ITFG1: variants seen among roughly 807,000 people sequenced by gnomAD.
ITFG1 encodes integrin alpha FG-GAP repeat containing 1.
Under a neutral mutation model 81.8 loss-of-function variants are expected in ITFG1, and 34 were observed. The ratio of observed to expected loss-of-function variants is 0.42; its 90% CI spans 0.32 to 0.55. The LOEUF is 0.55. Among genes scored for constraint, ITFG1 ranks in the 20% least tolerant of loss-of-function variants. The probability of loss-of-function intolerance (pLI) is 0.17; values close to 1 mark genes in which losing one functional copy is unlikely to be tolerated. For missense variants in ITFG1, 672 were observed against 755.4 expected, an observed-to-expected ratio of 0.89 and a Z score of 1.29; for synonymous variants, 285 against 270.6, an observed-to-expected ratio of 1.05 and a Z score of -0.52.
chr16:47,450,607 A>C (rs952849358), intron 5 of ITFG1: 2 of 216,294 alleles, frequency 9.2e-6, no homozygotes, highest in Admixed American at 1.2e-4. Context: ...GAGAAAAGTC[A>C]CTAGAGTTCC....
intron 5 of ITFG1, among the ~76,000 whole-genome samples, chr16:47,430,202 C>A (rs998344191): frequency 2.6e-5 from 4 of 151,452 alleles, no homozygotes; most frequent in Admixed American, 2.0e-4. Flanking sequence ...GGATTATAGG[C>A]ATGTACCACC....
At chr16:47,219,937 CT>C (rs1965670792) in intron 13 of ITFG1, among the ~76,000 whole-genome samples, 1 of 152,150 alleles carries the variant, frequency 6.6e-6, no homozygotes, top group Non-Finnish European at 1.5e-5. Flanking sequence ...GCAAAATAAA[CT>C]TAAGAAACAT....
intron 5 of ITFG1, among the ~76,000 whole-genome samples, chr16:47,436,295 A>G (rs1325428543): frequency 6.6e-6 from 1 of 152,178 alleles, no homozygotes; most frequent in Non-Finnish European, 1.5e-5. Flanking sequence ...TAATAATAAA[A>G]TTAAAAACAA....
intron 6 of ITFG1, among the ~76,000 whole-genome samples, chr16:47,383,533 C>G (rs767394871): frequency 3.3e-5 from 5 of 152,210 alleles, no homozygotes; most frequent in Non-Finnish European, 7.3e-5. Flanking sequence ...GCTGCCTACA[C>G]AAGCGCTACT....
At chr16:47,361,514 A>T (rs916618241) in intron 8 of ITFG1, among the ~76,000 whole-genome samples, 1 of 152,136 alleles carries the variant, frequency 6.6e-6, no homozygotes, top group Non-Finnish European at 1.5e-5. Flanking sequence ...GTTTAAAAGG[A>T]AGATATAGTA....
At chr16:47,447,281 T>C (rs975904120) in intron 5 of ITFG1, among the ~76,000 whole-genome samples, 2 of 152,220 alleles carry the variant, frequency 1.3e-5, no homozygotes, top group African/African-American at 4.8e-5. Flanking sequence ...GAAATGTTAC[T>C]ATCAATTTTT....
intron 7 of ITFG1, among the ~76,000 whole-genome samples, chr16:47,372,969 T>C (rs1468221744): frequency 6.6e-6 from 1 of 152,246 alleles, no homozygotes; most frequent in Non-Finnish European, 1.5e-5. Flanking sequence ...TGATATGCAG[T>C]GGCCAATTTA....
intron 8 of ITFG1, among the ~76,000 whole-genome samples, chr16:47,350,095 G>A (rs948667624): frequency 1.3e-5 from 2 of 152,130 alleles, no homozygotes; most frequent in Non-Finnish European, 2.9e-5. Context: ...AGCACTAAAT[G>A]CCCACAAGAG....
chr16:47,382,088 A>C (rs576515042), intron 6 of ITFG1, among the ~76,000 whole-genome samples: 2 of 152,366 alleles, frequency 1.3e-5, no homozygotes, highest in East Asian at 3.9e-4. Context: ...TATGATTTTT[A>C]ATATGAAAAA....
At chr16:47,292,082 C>T (rs993606104) in intron 10 of ITFG1, among the ~76,000 whole-genome samples, 6 of 151,450 alleles carry the variant, frequency 4.0e-5, no homozygotes, top group African/African-American at 9.7e-5. Context: ...GGTACAATCT[C>T]GGCTCACTGC....
chr16:47,321,401 CATT>C (rs1402497557), intron 8 of ITFG1, among the ~76,000 whole-genome samples: 21 of 152,092 alleles, frequency 1.4e-4, no homozygotes, highest in Admixed American at 1.4e-3. Flanking sequence ...TTTTGTGATT[CATT>C]ATTAATATAA....
At chr16:47,324,537 C>T (rs1967500835) in intron 8 of ITFG1, among the ~76,000 whole-genome samples, 1 of 152,154 alleles carries the variant, frequency 6.6e-6, no homozygotes, top group South Asian at 2.1e-4. Flanking sequence ...AAGGCACGGA[C>T]TGGCAAATTG....
chr16:47,336,667 C>G (rs1033721786), intron 8 of ITFG1, among the ~76,000 whole-genome samples: 7 of 152,052 alleles, frequency 4.6e-5, no homozygotes, highest in African/African-American at 1.7e-4. Context: ...AAGGGAAATT[C>G]GTTAAGAAAT....
chr16:47,234,493 A>G (rs1204830914), intron 13 of ITFG1, among the ~76,000 whole-genome samples: 2 of 152,176 alleles, frequency 1.3e-5, no homozygotes, highest in Non-Finnish European at 2.9e-5. Flanking sequence ...AAATATTTGA[A>G]GTAATAATGA....
At chr16:47,207,370 CA>C (rs1430435334) in intron 14 of ITFG1, among the ~76,000 whole-genome samples, 37 of 152,198 alleles carry the variant, frequency 2.4e-4, no homozygotes, top group African/African-American at 8.4e-4. Flanking sequence ...AGGCGTGAGC[CA>C]CCGCGCCCGG....
intron 5 of ITFG1, among the ~76,000 whole-genome samples, chr16:47,440,860 G>C (rs1969239101): frequency 6.6e-6 from 1 of 152,064 alleles, no homozygotes; most frequent in Non-Finnish European, 1.5e-5. Flanking sequence ...AGGAGACAGA[G>C]ACACAAAAAA....
At chr16:47,445,259 A>AG (rs1402024535) in intron 5 of ITFG1, among the ~76,000 whole-genome samples, 2 of 151,124 alleles carry the variant, frequency 1.3e-5, no homozygotes, top group African/African-American at 4.8e-5. Context: ...AAAAAAAAAA[A>AG]AAAAAAAAAA....
At chr16:47,460,402 G>T (rs1430097142) in intron 1 of ITFG1, among the ~76,000 whole-genome samples, 4 of 152,210 alleles carry the variant, frequency 2.6e-5, no homozygotes, top group Non-Finnish European at 5.9e-5. Flanking sequence ...AGATTGTCAG[G>T]TTGCACCTTT....
At chr16:47,366,599 C>G (rs1335943545) in intron 7 of ITFG1, among the ~76,000 whole-genome samples, 1 of 152,150 alleles carries the variant, frequency 6.6e-6, no homozygotes, top group African/African-American at 2.4e-5. Flanking sequence ...CCTTTCCCTT[C>G]TTAATTTTAG....
Sources: allele counts gnomAD v4.1 joint callset (sites outside exome capture counted in the v4.1 genomes callset), GRCh38; gene constraint gnomAD v4.1.1; transcripts MANE v1.5; gene names NCBI Gene and HGNC (gene_info 2026-07-23, HGNC 2026-07-21).